The following TCF20 variants were observed in gnomAD, a reference collection of about 807,000 sequenced individuals.
The protein encoded by TCF20 is transcription factor 20.
Under a neutral mutation model 148.6 loss-of-function variants are expected in TCF20, and 3 were observed. The observed-to-expected ratio is 0.02, with a 90% confidence interval of 0.01 to 0.05. The LOEUF is 0.05. Among genes scored for constraint, TCF20 ranks in the 10% least tolerant of loss-of-function variants. The pLI, the probability that TCF20 is intolerant of heterozygous loss-of-function variation, is 1.00. For missense variants in TCF20, 2,350 were observed against 2,429.3 expected, an observed-to-expected ratio of 0.97 and a Z score of 0.69; for synonymous variants, 1,049 against 909.5, an observed-to-expected ratio of 1.15 and a Z score of -2.76.
chr22:42,251,311 C>T (rs1430360393), intron 1 of TCF20, among the ~76,000 whole-genome samples: 1 of 152,030 alleles, frequency 6.6e-6, no homozygotes, highest in Non-Finnish European at 1.5e-5. Flanking sequence ...CTCAGTCTCC[C>T]AAGTAGCTGG....
chr22:42,307,517 G>A (rs73886031), intron 1 of TCF20, among the ~76,000 whole-genome samples: 2,554 of 152,330 alleles, frequency 0.017, 73 homozygotes, highest in African/African-American at 0.059. Flanking sequence ...CTAAGGTGTG[G>A]ATGACTGATA....
intron 1 of TCF20, among the ~76,000 whole-genome samples, chr22:42,311,838 C>T (rs1269447957): frequency 6.6e-6 from 1 of 152,210 alleles, no homozygotes; most frequent in African/African-American, 2.4e-5. Flanking sequence ...GCACCAGAGC[C>T]CTGCATAGTC....
At chr22:42,270,908 G>A (rs1193222693), upstream of TCF20, among the ~76,000 whole-genome samples, 1 of 151,646 alleles carries the variant, frequency 6.6e-6, no homozygotes, top group Non-Finnish European at 1.5e-5. Context: ...CGCGCCACCC[G>A]CCCAGTGCCA....
intron 2 of TCF20, among the ~76,000 whole-genome samples, chr22:42,197,564 C>T (rs191779625): frequency 1.3e-4 from 20 of 152,162 alleles, no homozygotes; most frequent in East Asian, 9.7e-4. Flanking sequence ...CCTTGTGATC[C>T]GCCCGTCTCG....
chr22:42,320,080 G>A (rs575705770), intron 1 of TCF20, among the ~76,000 whole-genome samples: 1 of 152,242 alleles, frequency 6.6e-6, no homozygotes, highest in South Asian at 2.1e-4. Context: ...AGCACAGCGA[G>A]CTCCTACTTT....
intron 2 of TCF20, among the ~76,000 whole-genome samples, chr22:42,203,886 T>G (rs1938210309): frequency 6.6e-6 from 1 of 151,268 alleles, no homozygotes; most frequent in Non-Finnish European, 1.5e-5. Context: ...AGAACAGGAG[T>G]TGAAGGGAGC....
intron 1 of TCF20, among the ~76,000 whole-genome samples, chr22:42,330,558 T>C (rs1927955833): frequency 6.6e-6 from 1 of 152,146 alleles, no homozygotes; most frequent in African/African-American, 2.4e-5. Context: ...GACTGAAAAC[T>C]CCACGAATGC....
intron 1 of TCF20, among the ~76,000 whole-genome samples, chr22:42,228,644 C>T (rs1038047477): frequency 6.6e-6 from 1 of 152,192 alleles, no homozygotes; most frequent in Non-Finnish European, 1.5e-5. Flanking sequence ...GAGTGCTTTG[C>T]CAAACATGGC....
At chr22:42,191,267 C>T (rs759011211) in intron 2 of TCF20, among the ~76,000 whole-genome samples, 20 of 152,084 alleles carry the variant, frequency 1.3e-4, no homozygotes, top group South Asian at 4.1e-4. Flanking sequence ...CCAAACTTGC[C>T]TTTTTTTCTG....
chr22:42,204,130 T>C (rs1938224841), intron 2 of TCF20, among the ~76,000 whole-genome samples: 1 of 152,232 alleles, frequency 6.6e-6, no homozygotes, highest in African/African-American at 2.4e-5. Flanking sequence ...AAAGTAAATT[T>C]AAGAAAGATG....
chr22:42,286,615 G>C (rs1271072304), upstream of TCF20, among the ~76,000 whole-genome samples: 1 of 152,250 alleles, frequency 6.6e-6, no homozygotes, highest in Non-Finnish European at 1.5e-5. Context: ...AGGGTAATCA[G>C]AGCAAGGTGT....
chr22:42,174,733 T>C (rs77919607), intron 3 of TCF20, among the ~76,000 whole-genome samples: 3,337 of 151,656 alleles, frequency 0.022, 138 homozygotes, highest in African/African-American at 0.077. Context: ...TTTTTTTTTT[T>C]CACTTAAAAG....
Position 42,209,813 on chromosome 22 carries a change from A to G in TCF20, c.5493T>C (p.Thr1831=), listed in dbSNP as rs1311597327. The change falls in exon 2 of 6, where the codon ACT becomes ACC. Residue 1831 remains threonine (T), a synonymous_variant. Transcript: ENST00000677622. ...ACTCCAGCTCAGGGCCACCTTCTGA[A>G]GTGGTGGGCACGGAGGGCTTCGAGT... ...VLDSKPSVPT[T]SEGGPELELQ... is the part of the protein sequence containing the mutation. 8.1e-6 allele frequency: 13 copies of G among 1,614,078 alleles called. No homozygotes were observed. Among genetic ancestry groups the G allele is most frequent in the Non-Finnish European group, 1.1e-5 (13 of 1,180,040 alleles).
intron 1 of TCF20, among the ~76,000 whole-genome samples, chr22:42,232,967 C>A (rs899235637): frequency 5.3e-5 from 8 of 152,156 alleles, no homozygotes; most frequent in African/African-American, 1.9e-4. Context: ...GTCGTCCAGG[C>A]TGGAGTGCAC....
At chr22:42,234,124 C>T (rs116676901) in intron 1 of TCF20, among the ~76,000 whole-genome samples, 1 of 152,256 alleles carries the variant, frequency 6.6e-6, no homozygotes, top group African/African-American at 2.4e-5. Context: ...TCTTAACTGA[C>T]CACATCCTAA....
chr22:42,212,242 G>A lies in TCF20; in HGVS notation c.3064C>T (p.Arg1022Trp), dbSNP rs1426050114. 8 of 1,614,126 alleles carry A rather than the reference G, an allele frequency of 5.0e-6. No individual in the cohort carries two copies. Among genetic ancestry groups the A allele is most frequent in the South Asian group, 2.2e-5 (2 of 91,074 alleles). Residue 1022 changes from arginine to tryptophan, a missense_variant, in exon 2 of 6, where the codon CGG (arginine) becomes TGG (tryptophan). Coordinates refer to ENST00000677622, the MANE Select transcript of TCF20 (RefSeq NM_001378418.1). ...FAEKLKMSPG[R>W]SRGPGGDPHH... The stretch of plus-strand genomic sequence containing the variant: ...GGGTCTCCCCCTGGGCCTCTGCTCC[G>A]CCCAGGAGACATTTTCAATTTTTCT...
intron 1 of TCF20, among the ~76,000 whole-genome samples, chr22:42,310,728 A>C (rs1277550348): frequency 6.6e-6 from 1 of 152,186 alleles, no homozygotes; most frequent in Non-Finnish European, 1.5e-5. Flanking sequence ...ATGGGTGGCC[A>C]GGCCAGGAGC....
intron 1 of TCF20, among the ~76,000 whole-genome samples, chr22:42,223,721 T>TA (rs1177556341): frequency 6.6e-6 from 1 of 152,238 alleles, no homozygotes; most frequent in Non-Finnish European, 1.5e-5. Context: ...TGCTAGAATT[T>TA]AGTTGACTGC....
chr22:42,174,270 T>C (rs1415040353), intron 3 of TCF20, among the ~76,000 whole-genome samples: 3 of 152,184 alleles, frequency 2.0e-5, no homozygotes, highest in Non-Finnish European at 4.4e-5. Flanking sequence ...AATGATCACA[T>C]CTGGTTTGTG....
Sources: allele counts gnomAD v4.1 joint callset (sites outside exome capture counted in the v4.1 genomes callset), GRCh38; gene constraint gnomAD v4.1.1; transcripts MANE v1.5; gene names NCBI Gene and HGNC (gene_info 2026-07-23, HGNC 2026-07-21).